The following MRC2 variants were observed in gnomAD, a reference collection of about 807,000 sequenced individuals.
The protein encoded by MRC2 is C-type mannose receptor 2.
MRC2 carries 84 observed loss-of-function variants against 206.2 expected under a neutral mutation model. The ratio of observed to expected loss-of-function variants is 0.41; its 90% CI spans 0.34 to 0.49. The LOEUF (loss-of-function observed/expected upper bound fraction) is 0.49, where lower values mean the gene tolerates loss of function less well. MRC2 is among the 20% of genes least tolerant of loss of function. MRC2 has a pLI of 0.31. For synonymous variants in MRC2, 798 were observed against 800.0 expected (o/e 1.00, Z 0.04); for missense variants, 1,676 against 2,001.5 (o/e 0.84, Z 3.10).
intron 12 of MRC2, 75 bp downstream of exon 12, chr17:62,677,561 G>A: frequency 1.5e-6 from 2 of 1,322,022 alleles, no homozygotes; most frequent in South Asian, 2.9e-5. Flanking sequence ...GGAGGTCCCA[G>A]TGGGACCAGC....
Position 62,688,642 on chromosome 17 carries a change from C to G in MRC2, c.3203C>G (p.Pro1068Arg). ...CCTGGGGAGCCCTCTGGCCCTAGCC[C>G]TGCTCCCAGTGGCAACAAACCGGTG... The part of the protein sequence containing the change: ...WAPGEPSGPS[P>R]APSGNKPTSC... Residue 1068 changes from proline (P) to arginine (R), a missense_variant, in exon 22 of 30, where the codon CCT (proline) becomes CGT (arginine). Around this residue, in one of 3 missense-constraint regions of MRC2, gnomAD observed 1,354 missense variants for 1,636.6 expected, o/e 0.83. Transcript: ENST00000303375. 6.2e-7 allele frequency: 1 copy of G among 1,613,980 alleles called. No homozygotes were observed. The highest frequency in any genetic ancestry group is 8.5e-7 in the Non-Finnish European group (1 of 1,179,990).
intron 11 of MRC2, 74 bp downstream of exon 11, chr17:62,676,605 G>A: frequency 6.6e-7 from 1 of 1,509,910 alleles, no homozygotes; most frequent in Admixed American, 2.2e-5. Flanking sequence ...CCAGCACCGA[G>A]CCCCAGGGCT....
intron 1 of MRC2, among the ~76,000 whole-genome samples, chr17:62,662,206 C>T (rs943789710): frequency 1.3e-5 from 2 of 151,484 alleles, no homozygotes; most frequent in African/African-American, 4.9e-5. Flanking sequence ...GCCAAGATTG[C>T]GCCACTGCAC....
At chr17:62,691,771 CAAAAAAA>C (rs549279909) in intron 28 of MRC2, among the ~76,000 whole-genome samples, 10 of 65,928 alleles carry the variant, frequency 1.5e-4, no homozygotes, top group Admixed American at 3.6e-4. Flanking sequence ...ACCCTGTCTC[CAAAAAAA>C]AAAAAAAAAA....
In MRC2 at chr17:62,677,251, C is replaced by G. The variant is rs900639478; in HGVS notation, c.1835-18C>G. 4.5e-6 allele frequency: 7 copies of G among 1,560,736 alleles called. No homozygotes were observed. The highest frequency in any genetic ancestry group is 2.3e-5 in the South Asian group (2 of 85,890). ...TGAATCCTTCTCAGAGCCTGGGTCT[C>G]CCTTCCCTCTCCTTCAGGGTACAGC... is the stretch of plus-strand genomic sequence containing the variant. On this transcript the variant is annotated intron_variant, in intron 11 of 29. Transcript: ENST00000303375.
chr17:62,668,412 GAA>G (rs920341959), intron 6 of MRC2, among the ~76,000 whole-genome samples: 6 of 150,042 alleles, frequency 4.0e-5, no homozygotes, highest in Non-Finnish European at 7.4e-5. Context: ...AAAAAAGAAA[GAA>G]AAAGAAAAAA....
At chr17:62,678,388 C>T (rs2088919885) in intron 12 of MRC2, 116 bp from the exon 13 acceptor site, 2 of 1,377,926 alleles carry the variant, frequency 1.5e-6, no homozygotes, top group African/African-American at 1.5e-5. Context: ...CTAGCCTTAG[C>T]CCCCTGTCCA....
In MRC2 at chr17:62,679,853, G is replaced by A; in HGVS notation, c.2249G>A (p.Arg750His). 2 of 1,613,870 alleles carry A rather than the reference G, an allele frequency of 1.2e-6. No homozygotes were observed. The highest frequency in any genetic ancestry group is 8.5e-7 in the Non-Finnish European group (1 of 1,180,000). ...EQHWFWIGLN[R>H]RDPRGGQSWR... ...CACTGGTTCTGGATCGGCCTGAACC[G>A]TCGGGATCCCAGAGGGGGTCAGAGT... Residue 750 changes from arginine (R) to histidine (H), a missense_variant, in exon 14 of 30, where the codon CGT becomes CAT. This residue lies in a region of MRC2 where 1,354 missense variants were observed against 1,636.6 expected (regional missense o/e 0.83). Transcript: ENST00000303375.
intron 1 of MRC2, among the ~76,000 whole-genome samples, chr17:62,645,525 ATATTTTTTTTTTTT>A (rs1174976885): frequency 0.028 from 1,079 of 38,376 alleles, 10 homozygotes; most frequent in African/African-American, 0.095. Flanking sequence ...ATATATATAT[ATATTTTTTTTTTTT>A]TTTTTTTTTT....
At position 62,678,626 on chromosome 17, in the gene MRC2, C is replaced by T; in HGVS notation, c.2175C>T (p.Asn725=). The T allele has an allele frequency of 1.2e-6, 2 of 1,611,794 alleles. No individual in the cohort carries two copies. Among genetic ancestry groups the T allele is most frequent in the Non-Finnish European group, 1.7e-6 (2 of 1,179,162 alleles). ...ACGAGGAGGAGCACTTTGTGGCCAACATGCTCAACAAGATCTTCGGGTACT... is the reference window on the plus strand; with the variant it reads ...ACGAGGAGGAGCACTTTGTGGCCAATATGCTCAACAAGATCTTCGGGTACT... ...ASYEEEHFVA[N]MLNKIFGESE... is the part of the protein sequence containing the mutation. Residue 725 remains asparagine (N), a synonymous_variant, in exon 13 of 30, where the codon AAC becomes AAT. Transcript: ENST00000303375.
At chr17:62,685,085 T>C (rs1239921267) in intron 20 of MRC2, among the ~76,000 whole-genome samples, 2 of 151,908 alleles carry the variant, frequency 1.3e-5, no homozygotes, top group African/African-American at 2.4e-5. Context: ...GAGGTTGCAG[T>C]GAGCTGAGAT....
rs2147492224 is a variant in MRC2 at position 62,688,235 on chromosome 17, G to A, written c.2947-54G>A. ...GAGGGGCGCACAGTGGCCTTTCTGG[G>A]TTTGTGGATGGGGTGGTGGGGCTGG... On this transcript the variant is annotated intron_variant, in intron 20 of 29. Coordinates refer to ENST00000303375, the MANE Select transcript of MRC2 (RefSeq NM_006039.5). 1.9e-6 allele frequency: 3 copies of A among 1,539,778 alleles called. No individual in the cohort carries two copies. In the African/African-American group the frequency reaches 4.1e-5, roughly 21 times the overall value.
In MRC2 at chr17:62,680,574, G is replaced by C. The variant is rs768185622; in HGVS notation, c.2473+121G>C. 2.1e-6 allele frequency: 3 copies of C among 1,443,144 alleles called. No individual in the cohort carries two copies. Among genetic ancestry groups the C allele is most frequent in the Non-Finnish European group, 2.9e-6 (3 of 1,049,424 alleles). The allele number at this position is 1,443,144 out of a possible 1,614,324, so 89.4% of individuals were successfully genotyped here. A position where few individuals can be genotyped will look rare whatever the true frequency, so the allele number is the denominator to read the frequency against. ...GAGGAGTTCCGGTCGAGAGAAGGGG[G>C]ACGGGGTTGGCTCGGACGGAGGCAG... is the stretch of plus-strand genomic sequence containing the variant. On this transcript the variant is annotated intron_variant, in intron 16 of 29. Transcript: ENST00000303375. This position sits in a 1 kb window ranked among gnomAD's most constrained non-coding sequence, Gnocchi z 4.8.
At chr17:62,688,695 C>G in intron 22 of MRC2, 31 bp downstream of exon 22, 3 of 1,609,106 alleles carry the variant, frequency 1.9e-6, no homozygotes, top group Non-Finnish European at 1.7e-6. Context: ...CCCCTCCGCA[C>G]CGCGCTGCCC....
intron 1 of MRC2, among the ~76,000 whole-genome samples, chr17:62,628,869 T>G (rs2147419425): frequency 6.6e-6 from 1 of 152,166 alleles, no homozygotes; most frequent in Non-Finnish European, 1.5e-5. Flanking sequence ...CCCAGCTTGG[T>G]CCTGCTGGCT....
intron 1 of MRC2, among the ~76,000 whole-genome samples, chr17:62,639,220 C>T (rs2088367523): frequency 1.3e-5 from 2 of 152,026 alleles, no homozygotes; most frequent in African/African-American, 4.8e-5. Flanking sequence ...CCTGTAATCC[C>T]AGCTACTCAG....
chr17:62,665,081 A>T, intron 2 of MRC2, 132 bp downstream of exon 2: 1 of 1,010,244 alleles, frequency 9.9e-7, no homozygotes, highest in South Asian at 1.8e-5. Context: ...TAATTATAAT[A>T]GGAAGCATTT....
chr17:62,643,908 A>C (rs902889752), intron 1 of MRC2, among the ~76,000 whole-genome samples: 1 of 152,210 alleles, frequency 6.6e-6, no homozygotes, highest in Non-Finnish European at 1.5e-5. Context: ...GTTAAGTGAA[A>C]AAAGATCCAA....
At chr17:62,637,546 A>C (rs1015748709) in intron 1 of MRC2, among the ~76,000 whole-genome samples, 39 of 151,560 alleles carry the variant, frequency 2.6e-4, no homozygotes, top group Non-Finnish European at 1.2e-4. Flanking sequence ...AAAAAAAAAA[A>C]AAAAGAAAAG....
Sources: allele counts gnomAD v4.1 joint callset (sites outside exome capture counted in the v4.1 genomes callset), GRCh38; gene constraint gnomAD v4.1.1; regional missense constraint gnomAD v4.1.1; non-coding constraint Gnocchi (gnomAD v3.1); transcripts MANE v1.5; gene names NCBI Gene and HGNC (gene_info 2026-07-23, HGNC 2026-07-21).